Variants in TBC1D5 observed in about 807,000 individuals in gnomAD.
The protein encoded by TBC1D5 is TBC1 domain family, member 5.
In TBC1D5, 75 loss-of-function variants were observed where a neutral mutation model predicts 100.3. That is an observed-to-expected ratio of 0.75 (90% CI 0.62 to 0.91). The LOEUF is 0.91. Among genes scored for constraint, TBC1D5 ranks in the 40% least tolerant of loss-of-function variants. The pLI, the probability that TBC1D5 is intolerant of heterozygous loss-of-function variation, is 0.00. For missense variants in TBC1D5, 910 were observed against 942.4 expected (o/e 0.97, Z 0.45); for synonymous variants, 323 against 325.6 (o/e 0.99, Z 0.09).
intron 1 of TBC1D5, among the ~76,000 whole-genome samples, chr3:17,666,133 A>C (rs1004735435): frequency 1.3e-5 from 2 of 152,206 alleles, no homozygotes; most frequent in African/African-American, 4.8e-5. Flanking sequence ...GAAGGCAATA[A>C]TTCTATTTTC....
chr3:17,376,584 G>A (rs1185372513), exon 10 of TBC1D5: 1 of 1,613,006 alleles, frequency 6.2e-7, no homozygotes, highest in African/African-American at 1.3e-5. Context: ...GAAGGACAAA[G>A]ACTATAGGTG....
At position 17,635,564 on chromosome 3, in the gene TBC1D5, C is replaced by T. The variant is rs570968351; in HGVS notation, c.-100-11651G>A. ...GCATGGTGGCACATGGCTGTAATCC[C>T]AGCCACTTGAGAGGGTGAGGCAGGA... On this transcript the variant is annotated intron_variant, in intron 1 of 21. Coordinates refer to ENST00000253692, the Ensembl canonical transcript of TBC1D5. 1.1e-3 allele frequency among the ~76,000 whole-genome samples: 161 copies of T among 152,174 alleles called. 1 individual carries two copies. The highest frequency in any genetic ancestry group is 3.8e-3 in the African/African-American group (156 of 41,546).
intron 1 of TBC1D5, among the ~76,000 whole-genome samples, chr3:17,708,053 T>G (rs2074354049): frequency 6.6e-6 from 1 of 152,218 alleles, no homozygotes; most frequent in Non-Finnish European, 1.5e-5. Flanking sequence ...GAGATAAAGT[T>G]GACGCCCACT....
At chr3:17,512,299 T>TA (rs1371470260) in intron 2 of TBC1D5, among the ~76,000 whole-genome samples, 4 of 152,056 alleles carry the variant, frequency 2.6e-5, no homozygotes, top group African/African-American at 9.7e-5. Context: ...TATAAAAAAT[T>TA]AAGAGATTTT....
intron 14 of TBC1D5, among the ~76,000 whole-genome samples, chr3:17,297,796 C>T (rs1335426508): frequency 6.6e-6 from 1 of 151,262 alleles, no homozygotes; most frequent in East Asian, 1.9e-4. Context: ...CACTACGTTG[C>T]CCAGGCTGGT....
In TBC1D5 at chr3:17,407,090, AC is replaced by A. The variant is rs200718129; in HGVS notation, c.168-565del. On this transcript the variant is annotated intron_variant, in intron 4 of 21. Coordinates refer to ENST00000253692, the Ensembl canonical transcript of TBC1D5. ...ACAGGTGTGGGCAAATTTGAAAAAAACATCAAAAAATTAAAAAGCCTCACTG... is the reference window on the plus strand; with the variant it reads ...ACAGGTGTGGGCAAATTTGAAAAAAAATCAAAAAATTAAAAAGCCTCACTG... Among the ~76,000 whole-genome samples, 635 of 152,248 alleles carry A rather than the reference AC, an allele frequency of 4.2e-3. 2 individuals carry two copies. The highest frequency in any genetic ancestry group is 0.014 in the African/African-American group (598 of 41,564).
At chr3:17,687,597 G>A (rs1027621350) in intron 1 of TBC1D5, among the ~76,000 whole-genome samples, 8 of 152,124 alleles carry the variant, frequency 5.3e-5, no homozygotes, top group Middle Eastern at 3.4e-3. Flanking sequence ...CAACTATAAG[G>A]GGCCCAAGTT....
At chr3:17,486,642 T>C (rs1460575949) in intron 3 of TBC1D5, among the ~76,000 whole-genome samples, 3 of 152,200 alleles carry the variant, frequency 2.0e-5, no homozygotes, top group African/African-American at 2.4e-5. Context: ...CTCTGAAATC[T>C]AGTCAAAACT....
rs548220601 is a variant in TBC1D5 at position 17,226,245 on chromosome 3, G to A, written c.1589-11875C>T. On this transcript the variant is annotated intron_variant, in intron 17 of 21. Transcript: ENST00000253692. ...CCCCTGGACAGCTCCTGAGCTGAGG[G>A]GTCAGTATTCTCAGCAAGCTTGTAA... Among the ~76,000 whole-genome samples the A allele has an allele frequency of 2.0e-5, 3 of 151,226 alleles. No individual in the cohort carries two copies. In the South Asian group the frequency reaches 6.4e-4, roughly 32 times the overall value.
chr3:17,223,581 C>T (rs141685748), intron 17 of TBC1D5, among the ~76,000 whole-genome samples: 4 of 152,272 alleles, frequency 2.6e-5, no homozygotes, highest in South Asian at 2.1e-4. Context: ...ACTACGCTGG[C>T]GGGGTGCGGT....
chr3:17,283,190 C>A (rs1342317049), intron 15 of TBC1D5, among the ~76,000 whole-genome samples: 1 of 152,238 alleles, frequency 6.6e-6, no homozygotes, highest in Non-Finnish European at 1.5e-5. Flanking sequence ...TTGAACCAAA[C>A]TGAATCTTGC....
At chr3:17,625,408 T>G (rs568902498) in intron 1 of TBC1D5, among the ~76,000 whole-genome samples, 1 of 152,126 alleles carries the variant, frequency 6.6e-6, no homozygotes, top group African/African-American at 2.4e-5. Flanking sequence ...CTTACCACGG[T>G]TTTTTATGTC....
intron 15 of TBC1D5, among the ~76,000 whole-genome samples, chr3:17,269,845 G>A (rs918457487): frequency 2.0e-5 from 3 of 152,016 alleles, no homozygotes; most frequent in Non-Finnish European, 4.4e-5. Context: ...TTATGGCTGT[G>A]TAGTGTTCCA....
intron 1 of TBC1D5, among the ~76,000 whole-genome samples, chr3:17,661,594 A>G (rs1323094545): frequency 6.7e-6 from 1 of 149,102 alleles, no homozygotes; most frequent in Non-Finnish European, 1.5e-5. Context: ...TCCGCTTCCC[A>G]GGTTCAAGCG....
At chr3:17,460,846 TTATTATAC>T (rs2095192678) in intron 3 of TBC1D5, among the ~76,000 whole-genome samples, 1 of 151,990 alleles carries the variant, frequency 6.6e-6, no homozygotes, top group East Asian at 1.9e-4. Context: ...GTCAGAAAGA[TTATTATAC>T]TAACACATGT....
intron 4 of TBC1D5, among the ~76,000 whole-genome samples, chr3:17,423,285 G>A (rs2149297065): frequency 6.6e-6 from 1 of 151,878 alleles, no homozygotes; most frequent in East Asian, 1.9e-4. Flanking sequence ...TTTTGTTAGA[G>A]AAAAAAATAA....
chr3:17,571,506 T>C (rs779802035), intron 2 of TBC1D5, among the ~76,000 whole-genome samples: 11 of 152,028 alleles, frequency 7.2e-5, no homozygotes, highest in Non-Finnish European at 1.2e-4. Context: ...AAAATCGAGT[T>C]CTTTGACTTC....
At chr3:17,394,863 A>G (rs2093456232) in intron 8 of TBC1D5, among the ~76,000 whole-genome samples, 1 of 152,126 alleles carries the variant, frequency 6.6e-6, no homozygotes, top group African/African-American at 2.4e-5. Context: ...TGCTTTCTTT[A>G]ATTTATGTTT....
At chr3:17,436,742 A>G (rs1423556399) in intron 3 of TBC1D5, among the ~76,000 whole-genome samples, 1 of 152,208 alleles carries the variant, frequency 6.6e-6, no homozygotes, top group Non-Finnish European at 1.5e-5. Flanking sequence ...GATAAAAGAT[A>G]AAAAACTAAA....
Sources: gnomAD v4.1 joint callset for allele counts (sites outside exome capture counted in the v4.1 genomes callset) on GRCh38, gnomAD v4.1.1 for gene constraint, MANE v1.5 for transcripts, NCBI Gene and HGNC (gene_info 2026-07-23, HGNC 2026-07-21) for gene names.